The following PHACTR3 variants were observed in gnomAD, a reference collection of about 807,000 sequenced individuals.
PHACTR3 encodes phosphatase and actin regulator 3.
In PHACTR3, 16 loss-of-function variants were observed where a neutral mutation model predicts 66.8. That is an observed-to-expected ratio of 0.24 (90% CI 0.16 to 0.36). The LOEUF (loss-of-function observed/expected upper bound fraction) is 0.36, where lower values mean the gene tolerates loss of function less well. Ranked by LOEUF, PHACTR3 falls within the 10% of genes least tolerant of loss-of-function variation. PHACTR3 has a pLI of 1.00. For missense variants in PHACTR3, 647 were observed against 719.9 expected (o/e 0.90, Z 1.16); for synonymous variants, 323 against 292.1 (o/e 1.11, Z -1.08).
chr20:59,664,559 A>T (rs1456781673), intron 1 of PHACTR3, among the ~76,000 whole-genome samples: 4 of 152,028 alleles, frequency 2.6e-5, no homozygotes, highest in African/African-American at 9.7e-5. Flanking sequence ...CACAGCCTTG[A>T]CCTTCTCCTA....
At chr20:59,632,695 C>A (rs921534586) in intron 1 of PHACTR3, among the ~76,000 whole-genome samples, 4 of 152,204 alleles carry the variant, frequency 2.6e-5, no homozygotes, top group Admixed American at 2.6e-4. Context: ...GGGCTTCTGC[C>A]ATTTCTGATT....
intron 7 of PHACTR3, among the ~76,000 whole-genome samples, chr20:59,797,414 G>A (rs1400648724): frequency 6.6e-6 from 1 of 151,300 alleles, no homozygotes; most frequent in Non-Finnish European, 1.5e-5. Context: ...CTTGTTTCTT[G>A]TGTCCATGCA....
In PHACTR3 at chr20:59,767,338, C is replaced by A. The variant is rs113971111; in HGVS notation, c.694C>A (p.Pro232Thr). Residue 232 changes from proline to threonine, a missense_variant, in exon 5 of 13, where the codon CCA (proline) becomes ACA (threonine). Pro to Thr is a conservative substitution (Grantham distance 38). Transcript: ENST00000371015. The stretch of plus-strand genomic sequence containing the variant: ...ATCCGTGGGCCAGCTCCCCAGCCCC[C>A]CACTGCTGCCCACTCCGCCACCCAA... ...ERSVGQLPSP[P>T]LLPTPPPKAS... 2 of 1,614,016 alleles carry A rather than the reference C, an allele frequency of 1.2e-6. No individual in the cohort carries two copies. Among genetic ancestry groups the A allele is most frequent in the African/African-American group, 1.3e-5 (1 of 74,932 alleles).
At chr20:59,724,414 A>G (rs1247507388) in intron 1 of PHACTR3, among the ~76,000 whole-genome samples, 1 of 152,132 alleles carries the variant, frequency 6.6e-6, no homozygotes, top group African/African-American at 2.4e-5. Context: ...GTTTGAGAGT[A>G]ATGTTTTTTA....
intron 4 of PHACTR3, among the ~76,000 whole-genome samples, chr20:59,761,309 G>T (rs1020430128): frequency 6.6e-6 from 1 of 152,090 alleles, no homozygotes; most frequent in Non-Finnish European, 1.5e-5. Context: ...AGCTACCCCT[G>T]GGGCCTGGGC....
intron 7 of PHACTR3, among the ~76,000 whole-genome samples, chr20:59,779,189 T>C (rs1030832023): frequency 1.3e-5 from 2 of 152,210 alleles, no homozygotes; most frequent in Admixed American, 6.5e-5. Flanking sequence ...TCCCAGGGTA[T>C]AGAGTCTAGG....
intron 1 of PHACTR3, among the ~76,000 whole-genome samples, chr20:59,638,396 A>T (rs991720127): frequency 1.3e-5 from 2 of 150,514 alleles, no homozygotes. Flanking sequence ...GGATGGATGG[A>T]TGGGCAGGTG....
intron 1 of PHACTR3, among the ~76,000 whole-genome samples, chr20:59,675,708 T>C (rs1317640176): frequency 6.6e-6 from 1 of 152,118 alleles, no homozygotes; most frequent in Non-Finnish European, 1.5e-5. Context: ...CTCTGGCATG[T>C]AGCTGTCAGG....
intron 1 of PHACTR3, among the ~76,000 whole-genome samples, chr20:59,694,834 G>T (rs2037236466): frequency 1.3e-5 from 2 of 152,152 alleles, no homozygotes; most frequent in Non-Finnish European, 2.9e-5. Context: ...GAAATGCTGT[G>T]GGTCCAAGGA....
chr20:59,813,026 C>T (rs555563197), intron 8 of PHACTR3, among the ~76,000 whole-genome samples: 11 of 152,274 alleles, frequency 7.2e-5, no homozygotes, highest in African/African-American at 2.4e-4. Flanking sequence ...TGGACAGGGC[C>T]GGGAAGCTGA....
chr20:59,656,183 A>G lies in PHACTR3; in HGVS notation c.118+51051A>G, dbSNP rs371213604. ...ATATAGTTCATTTATACTGTTGTTC[A>G]TCTTTTCTTTTTTCTCCTTAATCTT... is the stretch of plus-strand genomic sequence containing the variant. On this transcript the variant is annotated intron_variant, in intron 1 of 12. Transcript: ENST00000371015. 6.6e-5 allele frequency among the ~76,000 whole-genome samples: 10 copies of G among 151,702 alleles called. 1 individual carries two copies. In the East Asian group the frequency reaches 1.5e-3, roughly 23 times the overall value.
At chr20:59,599,090 G>A (rs1187824498) in intron 1 of PHACTR3, among the ~76,000 whole-genome samples, 1 of 152,228 alleles carries the variant, frequency 6.6e-6, no homozygotes, top group East Asian at 1.9e-4. Flanking sequence ...TTGTCCTGGG[G>A]GACTGAGGCA....
intron 3 of PHACTR3, among the ~76,000 whole-genome samples, chr20:59,750,683 T>C (rs2039547013): frequency 6.6e-6 from 1 of 152,122 alleles, no homozygotes; most frequent in African/African-American, 2.4e-5. Flanking sequence ...TGCGAGTGGG[T>C]GGGATCTGCG....
At chr20:59,815,824 T>A (rs996560220) in intron 8 of PHACTR3, among the ~76,000 whole-genome samples, 1 of 151,478 alleles carries the variant, frequency 6.6e-6, no homozygotes, top group Non-Finnish European at 1.5e-5. Context: ...TGGATGAGAG[T>A]TTTAAGCATG....
intron 1 of PHACTR3, among the ~76,000 whole-genome samples, chr20:59,636,916 T>C (rs1600976052): frequency 6.6e-6 from 1 of 152,364 alleles, no homozygotes; most frequent in South Asian, 2.1e-4. Context: ...AGTAACATCA[T>C]AAGCAAAGAA....
intron 8 of PHACTR3, among the ~76,000 whole-genome samples, chr20:59,819,440 G>A (rs1371793336): frequency 6.6e-6 from 1 of 152,080 alleles, no homozygotes; most frequent in Non-Finnish European, 1.5e-5. Context: ...GCTCAGGAGG[G>A]AGAGAGGATG....
intron 8 of PHACTR3, among the ~76,000 whole-genome samples, chr20:59,824,237 C>G (rs1186972389): frequency 6.6e-6 from 1 of 152,180 alleles, no homozygotes; most frequent in Non-Finnish European, 1.5e-5. Flanking sequence ...ACCCCACCCC[C>G]CATACCATTC....
At chr20:59,833,609 TG>T (rs373106107) in intron 8 of PHACTR3, among the ~76,000 whole-genome samples, 74 of 152,170 alleles carry the variant, frequency 4.9e-4, no homozygotes, top group African/African-American at 1.7e-3. Context: ...CAGGGACATT[TG>T]GGGTACTTCT....
intron 4 of PHACTR3, among the ~76,000 whole-genome samples, chr20:59,763,477 G>C (rs1192749919): frequency 2.0e-5 from 3 of 152,180 alleles, no homozygotes; most frequent in African/African-American, 4.8e-5. Flanking sequence ...TTGCAAGATG[G>C]GTTGATGGTT....
Sources: gnomAD v4.1 joint callset for allele counts (sites outside exome capture counted in the v4.1 genomes callset) on GRCh38, gnomAD v4.1.1 for gene constraint, MANE v1.5 for transcripts, NCBI Gene and HGNC (gene_info 2026-07-23, HGNC 2026-07-21) for gene names.